Variants in SLC9C1 observed in about 807,000 individuals in gnomAD.
SLC9C1 encodes the protein sodium/hydrogen exchanger 10.
Under a neutral mutation model 140.9 loss-of-function variants are expected in SLC9C1, and 97 were observed. The ratio of observed to expected loss-of-function variants is 0.69; its 90% CI spans 0.58 to 0.82. The LOEUF (loss-of-function observed/expected upper bound fraction) is 0.82. SLC9C1 is among the 40% of genes least tolerant of loss of function. The probability of loss-of-function intolerance (pLI) is 0.00; values close to 1 mark genes in which losing one functional copy is unlikely to be tolerated. For synonymous variants in SLC9C1, 440 were observed against 442.6 expected (o/e 0.99, Z 0.07); for missense variants, 1,340 against 1,389.3 (o/e 0.96, Z 0.56).
chr3:112,220,607 G>T (rs1304463096), intron 14 of SLC9C1, among the ~76,000 whole-genome samples: 4 of 152,214 alleles, frequency 2.6e-5, no homozygotes, highest in Admixed American at 2.6e-4. Flanking sequence ...CTCCACAGGG[G>T]ATGATCTGAG....
intron 2 of SLC9C1, 133 bp downstream of exon 2, chr3:112,286,571 A>C: frequency 3.0e-6 from 2 of 663,826 alleles, no homozygotes; most frequent in Non-Finnish European, 2.4e-6. Flanking sequence ...ATTTGATTGA[A>C]AATATTGAGC....
chr3:112,223,928 G>A (rs1210812741), intron 13 of SLC9C1, among the ~76,000 whole-genome samples: 2 of 152,172 alleles, frequency 1.3e-5, no homozygotes, highest in Non-Finnish European at 2.9e-5. Context: ...AATGTCAAGT[G>A]AAGCAGCAAA....
intron 25 of SLC9C1, among the ~76,000 whole-genome samples, chr3:112,168,320 AAT>A (rs1397309440): frequency 7.3e-5 from 9 of 123,102 alleles, no homozygotes; most frequent in African/African-American, 1.0e-4. Context: ...AACACAAAAC[AAT>A]ACACACACAC....
At chr3:112,177,287 G>A (rs1033770298) in intron 23 of SLC9C1, among the ~76,000 whole-genome samples, 1 of 151,052 alleles carries the variant, frequency 6.6e-6, no homozygotes, top group Non-Finnish European at 1.5e-5. Context: ...GATTACAGGC[G>A]TGACCCGCCA....
chr3:112,292,171 T>A (rs1337634569), intron 1 of SLC9C1, among the ~76,000 whole-genome samples: 1 of 152,164 alleles, frequency 6.6e-6, no homozygotes, highest in East Asian at 1.9e-4. Flanking sequence ...GTGCCAGGCT[T>A]AATAGCTGGG....
At chr3:112,143,131 A>G (rs760396144) in intron 28 of SLC9C1, among the ~76,000 whole-genome samples, 61 of 152,034 alleles carry the variant, frequency 4.0e-4, no homozygotes, top group Non-Finnish European at 1.5e-4. Context: ...TATTCAACCC[A>G]CCACTGATGA....
Position 112,204,290 on chromosome 3 carries a change from A to G in SLC9C1, c.2100T>C (p.Tyr700=). 6.4e-7 allele frequency: 1 copy of G among 1,557,016 alleles called. No homozygotes were observed. The highest frequency in any genetic ancestry group is 8.6e-7 in the Non-Finnish European group (1 of 1,160,248). Reference sequence around the variant, plus strand: ...CTATTACTTCAGTCTCATTAAAAATATACTTAATGGTGTCTATTTCAATAA... The same window carrying G: ...CTATTACTTCAGTCTCATTAAAAATGTACTTAATGGTGTCTATTTCAATAA... ...VILIEIDTIK[Y]IFNETEVIVF... The change falls in exon 17 of 29, where the codon TAT becomes TAC. Residue 700 remains tyrosine (Y), a synonymous_variant. Coordinates refer to ENST00000305815, the MANE Select transcript of SLC9C1 (RefSeq NM_183061.3).
At chr3:112,214,071 A>G (rs2078284927) in intron 15 of SLC9C1, among the ~76,000 whole-genome samples, 2 of 152,228 alleles carry the variant, frequency 1.3e-5, no homozygotes, top group Admixed American at 1.3e-4. Flanking sequence ...AAATCGCTCA[A>G]CTACATGGAA....
chr3:112,285,058 C>T (rs1328400399), intron 2 of SLC9C1, among the ~76,000 whole-genome samples: 2 of 137,406 alleles, frequency 1.5e-5, no homozygotes, highest in Non-Finnish European at 3.0e-5. Flanking sequence ...ATGATCTCGG[C>T]TCACTGCAAG....
intron 1 of SLC9C1, among the ~76,000 whole-genome samples, chr3:112,290,114 G>A (rs933913152): frequency 1.3e-5 from 2 of 152,148 alleles, no homozygotes; most frequent in Non-Finnish European, 2.9e-5. Flanking sequence ...TCAAACTATT[G>A]AGAAAAATAT....
rs777651837 is a variant in SLC9C1 at position 112,239,828 on chromosome 3, T to C, written c.1446+12A>G. ...CTGCATTAAAGCAATAAAAAAGATA[T>C]TACTTGCTTACCATGTATGGGTTTT... On this transcript the variant is annotated intron_variant, in intron 12 of 28. Coordinates refer to ENST00000305815, the MANE Select transcript of SLC9C1 (RefSeq NM_183061.3). 2 of 1,597,262 alleles carry C rather than the reference T, an allele frequency of 1.3e-6. No individual in the cohort carries two copies. The highest frequency in any genetic ancestry group is 1.7e-6 in the Non-Finnish European group (2 of 1,172,334).
At chr3:112,293,652 T>G (rs1301749665) in intron 1 of SLC9C1, among the ~76,000 whole-genome samples, 1 of 152,298 alleles carries the variant, frequency 6.6e-6, no homozygotes, top group South Asian at 2.1e-4. Context: ...GACATCTTAC[T>G]GACTCTGAAG....
At chr3:112,221,870 A>G (rs6804836) in intron 13 of SLC9C1, among the ~76,000 whole-genome samples, 114,809 of 152,006 alleles carry the variant, frequency 0.76, 43,765 homozygotes, top group East Asian at 0.99. Context: ...TGGCATCCAT[A>G]TGCTGAACAC....
rs1282586580 is a variant in SLC9C1 at position 112,239,831 on chromosome 3, C to T, written c.1446+9G>A. On this transcript the variant is annotated intron_variant, in intron 12 of 28. Coordinates refer to ENST00000305815, the MANE Select transcript of SLC9C1 (RefSeq NM_183061.3). ...CATTAAAGCAATAAAAAAGATATTA[C>T]TTGCTTACCATGTATGGGTTTTCAA... 5 of 1,597,864 alleles carry T rather than the reference C, an allele frequency of 3.1e-6. No individual in the cohort carries two copies. Among genetic ancestry groups the T allele is most frequent in the East Asian group, 2.2e-5 (1 of 44,526 alleles).
chr3:112,262,856 AC>A (rs66892721), intron 10 of SLC9C1, 67 bp downstream of exon 10: 7 of 1,269,850 alleles, frequency 5.5e-6, no homozygotes, highest in Non-Finnish European at 7.1e-6. Context: ...CTACAAAAAA[AC>A]ATATATTTTA....
intron 6 of SLC9C1, among the ~76,000 whole-genome samples, chr3:112,271,557 A>C (rs2080079405): frequency 6.6e-6 from 1 of 152,074 alleles, no homozygotes; most frequent in Admixed American, 6.6e-5. Context: ...AACTGCTAAA[A>C]GCCACGCTTA....
chr3:112,277,589 C>T (rs1383114692), intron 5 of SLC9C1, 106 bp downstream of exon 5: 5 of 1,007,374 alleles, frequency 5.0e-6, no homozygotes, highest in Admixed American at 3.0e-5. Flanking sequence ...TCCCTCACTA[C>T]CTGACTTCTC....
chr3:112,246,411 G>A (rs907329604), intron 10 of SLC9C1, among the ~76,000 whole-genome samples: 2 of 152,050 alleles, frequency 1.3e-5, no homozygotes, highest in African/African-American at 4.8e-5. Context: ...TTGATAAAAT[G>A]TACTTAAACG....
intron 20 of SLC9C1, among the ~76,000 whole-genome samples, chr3:112,191,201 C>G (rs2077654639): frequency 6.6e-6 from 1 of 152,074 alleles, no homozygotes. Flanking sequence ...TTTATTTCTT[C>G]TCATGCCTAA....
Sources: allele counts gnomAD v4.1 joint callset (sites outside exome capture counted in the v4.1 genomes callset), GRCh38; gene constraint gnomAD v4.1.1; transcripts MANE v1.5; gene names NCBI Gene and HGNC (gene_info 2026-07-23, HGNC 2026-07-21).